Variants in VPS13A observed in about 807,000 individuals in gnomAD.
The protein encoded by VPS13A is intermembrane lipid transfer protein VPS13A.
Under a neutral mutation model 390.9 loss-of-function variants are expected in VPS13A, and 264 were observed. The observed-to-expected ratio is 0.68, with a 90% CI of 0.61 to 0.75. The LOEUF (loss-of-function observed/expected upper bound fraction) is 0.75. Ranked by LOEUF, VPS13A falls within the 30% of genes least tolerant of loss-of-function variation. The probability of loss-of-function intolerance (pLI) is 0.00; values close to 1 mark genes in which losing one functional copy is unlikely to be tolerated. For synonymous variants in VPS13A, 1,231 were observed against 1,227.1 expected, an observed-to-expected ratio of 1.00 and a Z score of -0.07; for missense variants, 3,409 against 3,733.9, an observed-to-expected ratio of 0.91 and a Z score of 2.27.
chr9:77,297,726 A>AG (rs1564705465), intron 33 of VPS13A, among the ~76,000 whole-genome samples: 1 of 152,044 alleles, frequency 6.6e-6, no homozygotes, highest in Non-Finnish European at 1.5e-5. Context: ...TATAATAGTG[A>AG]GCAATCTTTA....
intron 71 of VPS13A, among the ~76,000 whole-genome samples, chr9:77,412,753 A>G (rs1056062119): frequency 3.3e-5 from 5 of 152,188 alleles, no homozygotes; most frequent in African/African-American, 9.7e-5. Context: ...GGCCAGGGCA[A>G]TCAGGCAGGA....
At chr9:77,241,436 CT>C (rs200979725) in intron 19 of VPS13A, among the ~76,000 whole-genome samples, 3,388 of 128,648 alleles carry the variant, frequency 0.026, 113 homozygotes, top group African/African-American at 0.092. Flanking sequence ...TTACACTTGT[CT>C]TTTTTTTTTT....
At chr9:77,348,326 A>G (rs1226317689) in intron 52 of VPS13A, among the ~76,000 whole-genome samples, 3 of 152,224 alleles carry the variant, frequency 2.0e-5, no homozygotes, top group African/African-American at 4.8e-5. Flanking sequence ...TTGCAAGGAC[A>G]TGGATGGAGC....
intron 68 of VPS13A, among the ~76,000 whole-genome samples, chr9:77,399,114 A>G (rs1306736948): frequency 2.1e-5 from 3 of 140,658 alleles, no homozygotes; most frequent in Admixed American, 7.6e-5. Context: ...ACATGTATAC[A>G]TATGTAACTA....
At chr9:77,376,301 G>T (rs1013134093) in intron 67 of VPS13A, among the ~76,000 whole-genome samples, 1 of 152,160 alleles carries the variant, frequency 6.6e-6, no homozygotes, top group Non-Finnish European at 1.5e-5. Flanking sequence ...GCCCCTGTAA[G>T]GACTTAGGCT....
At position 77,249,962 on chromosome 9, in the gene VPS13A, T is replaced by C. The variant is rs974385337; in HGVS notation, c.2038-135T>C. 2.3e-5 allele frequency: 22 copies of C among 947,488 alleles called. 1 individual carries two copies. In the South Asian group the frequency reaches 3.5e-4, roughly 15 times the overall value. 58.7% of individuals were successfully genotyped at this position (947,488 alleles called of 1,614,324 possible). ...TATATCTCATCGATGAGGACCTTTC[T>C]AATAGCCTTATTATGTATGCTTACT... On this transcript the variant is annotated intron_variant, in intron 20 of 71. Transcript: ENST00000360280.
chr9:77,194,171 C>T (rs1223695916), intron 1 of VPS13A, among the ~76,000 whole-genome samples: 5 of 151,946 alleles, frequency 3.3e-5, no homozygotes, highest in South Asian at 2.1e-4. Context: ...CAAAACAGTG[C>T]GGGGAAGCTG....
intron 17 of VPS13A, among the ~76,000 whole-genome samples, chr9:77,231,401 G>T (rs539800911): frequency 5.3e-4 from 80 of 152,134 alleles, no homozygotes; most frequent in Admixed American, 2.5e-3. Flanking sequence ...AGCAATGTAC[G>T]TGGATTCATA....
intron 23 of VPS13A, among the ~76,000 whole-genome samples, chr9:77,260,891 C>G (rs1825723533): frequency 6.6e-6 from 1 of 151,472 alleles, no homozygotes; most frequent in South Asian, 2.1e-4. Flanking sequence ...TGTATACATA[C>G]ATGTATATAT....
intron 52 of VPS13A, among the ~76,000 whole-genome samples, chr9:77,349,578 T>A (rs1444580123): frequency 1.3e-5 from 2 of 152,206 alleles, no homozygotes; most frequent in Non-Finnish European, 2.9e-5. Context: ...AAATAAATAC[T>A]TAATTGTTCA....
chr9:77,191,529 G>C (rs1223454140), intron 1 of VPS13A, among the ~76,000 whole-genome samples: 1 of 151,842 alleles, frequency 6.6e-6, no homozygotes, highest in Non-Finnish European at 1.5e-5. Flanking sequence ...GAACTCCTGG[G>C]CTCAAGTGAT....
chr9:77,339,428 C>T, intron 47 of VPS13A, 88 bp from the exon 48 acceptor site: 1 of 1,296,012 alleles, frequency 7.7e-7, no homozygotes, highest in Non-Finnish European at 1.1e-6. Context: ...GCATTTTTTG[C>T]AGCATTTGGA....
chr9:77,410,132 G>A (rs1463758601), intron 71 of VPS13A, among the ~76,000 whole-genome samples: 1 of 152,108 alleles, frequency 6.6e-6, no homozygotes, highest in African/African-American at 2.4e-5. Flanking sequence ...GAGAGTGGGG[G>A]CCAATATTCA....
At chr9:77,402,794 GCATATTTGTTA>G (rs1173320633) in intron 68 of VPS13A, among the ~76,000 whole-genome samples, 1 of 152,120 alleles carries the variant, frequency 6.6e-6, no homozygotes, top group African/African-American at 2.4e-5. Flanking sequence ...ACAAAGAAAA[GCATATTTGTTA>G]CATACGAAAT....
rs1160996658 is a variant in VPS13A, at chr9:77,416,001, C to G, written c.9520C>G (p.Leu3174Val). The G allele has an allele frequency of 6.2e-7, 1 of 1,613,340 alleles. No individual in the cohort carries two copies. The highest frequency in any genetic ancestry group is 8.5e-7 in the Non-Finnish European group (1 of 1,179,512). Reference protein sequence around the residue: ...LQEAREPSPSL With the variant: ...LQEAREPSPSV ...AGAAGCAAGAGAACCTTCTCCGAGC[C>G]TCTGACAGAGAACACTGCCTGAAGA... Residue 3174 changes from leucine (L) to valine (V), a missense_variant, in exon 72 of 72, where the codon CTC becomes GTC. Leu to Val is a conservative substitution (Grantham distance 32). This residue lies in a region of VPS13A where 318 missense variants were observed against 333.7 expected (regional missense o/e 0.95). Coordinates refer to ENST00000360280, the MANE Select transcript of VPS13A (RefSeq NM_033305.3).
At position 77,315,393 on chromosome 9, in the gene VPS13A, C is replaced by G; in HGVS notation, c.4553C>G (p.Ala1518Gly). Reference protein sequence around the residue: ...CASVEFLQTVANVFLEAYTTG... With the variant: ...CASVEFLQTVGNVFLEAYTTG... ...AGCGTAGAATTTCTGCAGACTGTTG[C>G]AAATGTCTTTCTTGAGGCCTACACC... Residue 1518 changes from alanine (A) to glycine (G), a missense_variant, in exon 38 of 72, where the codon GCA becomes GGA. Physicochemically the swap from Ala to Gly is moderately conservative, Grantham distance 60. This residue lies in a region of VPS13A where 2,717 missense variants were observed against 2,917.4 expected (regional missense o/e 0.93). Coordinates refer to ENST00000360280, the MANE Select transcript of VPS13A (RefSeq NM_033305.3). 2 of 1,613,876 alleles carry G rather than the reference C, an allele frequency of 1.2e-6. No homozygotes were observed. Among genetic ancestry groups the G allele is most frequent in the Non-Finnish European group, 1.7e-6 (2 of 1,179,852 alleles).
At chr9:77,348,220 AC>A (rs1248415680) in intron 52 of VPS13A, among the ~76,000 whole-genome samples, 13 of 152,166 alleles carry the variant, frequency 8.5e-5, no homozygotes, top group Non-Finnish European at 1.6e-4. Context: ...CATGGAATCA[AC>A]CCAAATGCCC....
chr9:77,401,561 T>C (rs1288247735), intron 68 of VPS13A, among the ~76,000 whole-genome samples: 1 of 152,208 alleles, frequency 6.6e-6, no homozygotes, highest in African/African-American at 2.4e-5. Context: ...ATTACCCTTG[T>C]AAACGGGATT....
At chr9:77,330,120 A>G (rs1294860715) in intron 45 of VPS13A, among the ~76,000 whole-genome samples, 1 of 152,046 alleles carries the variant, frequency 6.6e-6, no homozygotes, top group African/African-American at 2.4e-5. Flanking sequence ...AGGCTCAATA[A>G]TCCTCTCACC....
Sources: gnomAD v4.1 joint callset for allele counts (sites outside exome capture counted in the v4.1 genomes callset) on GRCh38, gnomAD v4.1.1 for gene constraint, gnomAD v4.1.1 regional missense constraint, MANE v1.5 for transcripts, NCBI Gene and HGNC (gene_info 2026-07-23, HGNC 2026-07-21) for gene names.